The following RBFOX2 variants were observed in gnomAD, a reference collection of about 807,000 sequenced individuals.
RBFOX2 encodes the protein RNA binding protein fox-1 homolog 2.
RBFOX2 carries 10 observed loss-of-function variants against 49.1 expected under a neutral mutation model. The observed-to-expected ratio is 0.20, with a 90% confidence interval of 0.13 to 0.35. The LOEUF is 0.35. RBFOX2 is among the 10% of genes least tolerant of loss of function. The pLI is 1.00. For missense variants in RBFOX2, 323 were observed against 486.9 expected (o/e 0.66, Z 3.17); for synonymous variants, 183 against 187.4 (o/e 0.98, Z 0.19).
intron 1 of RBFOX2, among the ~76,000 whole-genome samples, chr22:35,978,912 A>G (rs571473347): frequency 4.8e-4 from 73 of 152,346 alleles, no homozygotes; most frequent in African/African-American, 1.7e-3. Flanking sequence ...GGTTAGGTAT[A>G]TATCTGTTGA....
At chr22:36,000,005 A>ATATTTT (rs10625815) in intron 1 of RBFOX2, 56 of 118,942 alleles carry the variant, frequency 4.7e-4, no homozygotes, top group African/African-American at 8.4e-4. Flanking sequence ...ATATATATAT[A>ATATTTT]TTTTTTTTTT....
chr22:35,948,069 T>C (rs992046411), intron 1 of RBFOX2, among the ~76,000 whole-genome samples: 12 of 152,336 alleles, frequency 7.9e-5, no homozygotes, highest in South Asian at 4.1e-4. Context: ...TTATCTTTTA[T>C]ACTGTATTTT....
At chr22:35,885,256 C>T (rs2046415419) in intron 1 of RBFOX2, among the ~76,000 whole-genome samples, 1 of 152,154 alleles carries the variant, frequency 6.6e-6, no homozygotes, top group South Asian at 2.1e-4. Flanking sequence ...CAGCCTTTGG[C>T]ATCTACTGTA....
At chr22:35,977,406 C>G (rs1297851975) in intron 1 of RBFOX2, among the ~76,000 whole-genome samples, 1 of 152,074 alleles carries the variant, frequency 6.6e-6, no homozygotes, top group Non-Finnish European at 1.5e-5. Flanking sequence ...TAAAACAGTA[C>G]AGACGAATCT....
chr22:35,756,285 G>A, intron 9 of RBFOX2, 141 bp from the exon 11 acceptor site: 1 of 580,174 alleles, frequency 1.7e-6, no homozygotes. Flanking sequence ...TGGGGCCTCG[G>A]CAAGTTGGTG....
chr22:35,816,007 A>G (rs1351134098), intron 1 of RBFOX2, among the ~76,000 whole-genome samples: 3 of 152,212 alleles, frequency 2.0e-5, no homozygotes, highest in Non-Finnish European at 2.9e-5. Flanking sequence ...TAACAGCTAT[A>G]TAACTGTTCT....
intron 1 of RBFOX2, among the ~76,000 whole-genome samples, chr22:36,014,510 T>C (rs2058958714): frequency 6.6e-6 from 1 of 152,126 alleles, no homozygotes; most frequent in Non-Finnish European, 1.5e-5. Flanking sequence ...TGAGTCAAAA[T>C]TTTTAGGTTT....
intron 1 of RBFOX2, among the ~76,000 whole-genome samples, chr22:35,952,151 G>A (rs1371973587): frequency 6.6e-6 from 1 of 152,172 alleles, no homozygotes; most frequent in Non-Finnish European, 1.5e-5. Flanking sequence ...TTCCCTGGTA[G>A]ACAACACTGT....
chr22:35,810,324 G>A (rs1348302055), intron 1 of RBFOX2, among the ~76,000 whole-genome samples: 1 of 151,812 alleles, frequency 6.6e-6, no homozygotes, highest in Non-Finnish European at 1.5e-5. Flanking sequence ...TTAAAAGTAG[G>A]TGGAGAGCCC....
At chr22:35,891,956 G>GA (rs2047301167) in intron 1 of RBFOX2, among the ~76,000 whole-genome samples, 1 of 152,034 alleles carries the variant, frequency 6.6e-6, no homozygotes, top group African/African-American at 2.4e-5. Flanking sequence ...AAACTAAGAG[G>GA]AAAAATATTT....
At position 35,923,649 on chromosome 22, in the gene RBFOX2, G is replaced by A. The variant is rs189272788; in HGVS notation, c.-34+15198C>T. Among the ~76,000 whole-genome samples, 10 of 152,096 alleles carry A rather than the reference G, an allele frequency of 6.6e-5. No homozygotes were observed. The East Asian group carries it at 1.9e-3, about 29-fold the overall frequency. On this transcript the variant is annotated intron_variant, in intron 1 of 13. Transcript: ENST00000359369. ...TTTATGCCACTTATTACCACCCTTG[G>A]CAAATCTCTCAGGAAACTGCAAATC...
At chr22:35,890,877 A>G (rs2047158228) in intron 1 of RBFOX2, among the ~76,000 whole-genome samples, 1 of 152,114 alleles carries the variant, frequency 6.6e-6, no homozygotes, top group South Asian at 2.1e-4. Flanking sequence ...TAGTTTTTAA[A>G]AGATGAGATT....
At chr22:35,910,846 G>C (rs2049727973) in intron 1 of RBFOX2, among the ~76,000 whole-genome samples, 1 of 152,066 alleles carries the variant, frequency 6.6e-6, no homozygotes. Context: ...ATAAGCAATG[G>C]CTGCAGCATC....
chr22:35,809,921 T>C (rs748280565), exon 2 of RBFOX2: 14 of 1,614,098 alleles, frequency 8.7e-6, no homozygotes, highest in Non-Finnish European at 1.2e-5. Context: ...CTGTGGGAAT[T>C]CCATTCTGCG....
At chr22:35,940,100 T>C (rs993590930), upstream of RBFOX2, among the ~76,000 whole-genome samples, 6 of 152,174 alleles carry the variant, frequency 3.9e-5, no homozygotes, top group Non-Finnish European at 5.9e-5. Context: ...TTTCCACTAA[T>C]TGGTAGGTTG....
chr22:35,925,753 A>G (rs1211577060), intron 1 of RBFOX2, among the ~76,000 whole-genome samples: 1 of 152,222 alleles, frequency 6.6e-6, no homozygotes, highest in Non-Finnish European at 1.5e-5. Flanking sequence ...GCTTGAACAG[A>G]GTACCTTACA....
chr22:35,750,325 T>C, intron 9 of RBFOX2: 2 of 727,866 alleles, frequency 2.7e-6, no homozygotes, highest in Non-Finnish European at 2.3e-6. Context: ...AGTCATGAAA[T>C]AGCTGATGTG....
intron 1 of RBFOX2, among the ~76,000 whole-genome samples, chr22:35,838,559 ACGGTGCAACAAGCTAG>A: frequency 6.6e-6 from 1 of 152,262 alleles, no homozygotes; most frequent in African/African-American, 2.4e-5. Flanking sequence ...TGTGGCCTCC[ACGGTGCAACAAGCTAG>A]CGGTTTACTT....
Position 35,826,289 on chromosome 22 carries a change from C to T in RBFOX2, c.27+13903G>A, listed in dbSNP as rs1386518827. Among the ~76,000 whole-genome samples, 5 of 148,206 alleles carry T rather than the reference C, an allele frequency of 3.4e-5. No homozygotes were observed. The East Asian group carries it at 7.9e-4, about 23-fold the overall frequency. On this transcript the variant is annotated intron_variant, in intron 1 of 11. Transcript: ENST00000405409. Reference sequence around the variant, plus strand: ...CCTGGGAGGCGGAGGTTGCAGTGAGCCGAGATCGCGCCATCGCAGTCCAGC... The same window carrying T: ...CCTGGGAGGCGGAGGTTGCAGTGAGTCGAGATCGCGCCATCGCAGTCCAGC...
Sources: gnomAD v4.1 joint callset for allele counts (sites outside exome capture counted in the v4.1 genomes callset) on GRCh38, gnomAD v4.1.1 for gene constraint, MANE v1.5 for transcripts, NCBI Gene and HGNC (gene_info 2026-07-23, HGNC 2026-07-21) for gene names.